Variants in CEP85 observed in about 807,000 individuals in gnomAD.
The protein encoded by CEP85 is centrosomal protein 85, also known as centrosomal protein of 85 kDa.
CEP85 carries 58 observed loss-of-function variants against 93.7 expected under a neutral mutation model. The ratio of observed to expected loss-of-function variants is 0.62; its 90% confidence interval spans 0.50 to 0.77. The LOEUF (loss-of-function observed/expected upper bound fraction) is 0.77. Ranked by LOEUF, CEP85 falls within the 30% of genes least tolerant of loss-of-function variation. The pLI is 0.00. For synonymous variants in CEP85, 314 were observed against 338.6 expected (o/e 0.93, Z 0.80); for missense variants, 868 against 922.0 (o/e 0.94, Z 0.76).
In CEP85 at chr1:26,244,098, T is replaced by TA. The variant is rs1362171498; in HGVS notation, c.56-61dup. The TA allele has an allele frequency of 4.7e-6, 7 of 1,477,414 alleles. No individual in the cohort carries two copies. The Admixed American group carries it at 1.0e-4, about 22-fold the overall frequency. 91.5% of individuals were successfully genotyped at this position (1,477,414 alleles called of 1,614,324 possible). ...ATTCTCTTAGGTTTATGTGATTTTTTAAAAAAAGATCTGATGGGGTTACAT... is the reference window on the plus strand; with the variant it reads ...ATTCTCTTAGGTTTATGTGATTTTTTAAAAAAAAGATCTGATGGGGTTACAT... On this transcript the variant is annotated intron_variant, in intron 2 of 13. Coordinates refer to ENST00000451429, the MANE Select transcript of CEP85 (RefSeq NM_001319944.2).
At chr1:26,268,115 A>G (rs941412237) in intron 7 of CEP85, among the ~76,000 whole-genome samples, 1 of 152,210 alleles carries the variant, frequency 6.6e-6, no homozygotes, top group African/African-American at 2.4e-5. Flanking sequence ...TTAGCTTCCT[A>G]CCTTCATTGC....
At chr1:26,276,495 C>G (rs1203528715) in intron 12 of CEP85, 40 bp from the exon 13 acceptor site, 2 of 1,510,256 alleles carry the variant, frequency 1.3e-6, no homozygotes, top group Admixed American at 1.7e-5. Flanking sequence ...CTTCCTCTCC[C>G]TGGGCCTGAG....
intron 1 of CEP85, among the ~76,000 whole-genome samples, chr1:26,234,952 G>A (rs201446707): frequency 6.6e-6 from 1 of 152,302 alleles, no homozygotes; most frequent in East Asian, 1.9e-4. Context: ...AGAAGCCAGG[G>A]ATGCTGTTAC....
At chr1:26,250,576 T>C (rs2089589995) in intron 3 of CEP85, among the ~76,000 whole-genome samples, 1 of 152,194 alleles carries the variant, frequency 6.6e-6, no homozygotes, top group South Asian at 2.1e-4. Flanking sequence ...ATAAACCCAA[T>C]AGATAAGTTA....
chr1:26,276,490 T>C lies in CEP85; in HGVS notation c.1903-45T>C, dbSNP rs190650655. 1.4e-5 allele frequency: 21 copies of C among 1,471,458 alleles called. No individual in the cohort carries two copies. In the Middle Eastern group the frequency reaches 5.2e-4, roughly 36 times the overall value. The allele number at this position is 1,471,458 out of a possible 1,614,324, so 91.2% of individuals were successfully genotyped here. ...CACACTCATGCACAGATACTCTTCC[T>C]CTCCCTGGGCCTGAGTTAATGTGCT... is the stretch of plus-strand genomic sequence containing the variant. On this transcript the variant is annotated intron_variant, in intron 12 of 13. Transcript: ENST00000451429.
At chr1:26,254,887 C>T (rs1482156688) in intron 3 of CEP85, 3 of 389,620 alleles carry the variant, frequency 7.7e-6, no homozygotes, top group African/African-American at 4.1e-5. Flanking sequence ...AAAAGTTTTT[C>T]AGCTTTGTCT....
At chr1:26,237,791 C>T (rs1346973468) in intron 1 of CEP85, among the ~76,000 whole-genome samples, 3 of 152,102 alleles carry the variant, frequency 2.0e-5, no homozygotes, top group African/African-American at 7.2e-5. Flanking sequence ...TTAGAAACAC[C>T]TTAGAATCCA....
intron 2 of CEP85, among the ~76,000 whole-genome samples, chr1:26,241,605 C>G (rs2089427450): frequency 6.6e-6 from 1 of 151,944 alleles, no homozygotes; most frequent in Non-Finnish European, 1.5e-5. Context: ...TGTACAGTTT[C>G]TATGACAATT....
At chr1:26,268,346 T>C in intron 7 of CEP85, 137 bp from the exon 8 acceptor site, 1 of 873,244 alleles carries the variant, frequency 1.1e-6, no homozygotes, top group South Asian at 1.5e-5. Context: ...CAGTCCCAGC[T>C]ACTCCAGGGG....
At chr1:26,234,467 T>C (rs1293899498) in intron 1 of CEP85, among the ~76,000 whole-genome samples, 157 bp downstream of exon 1, 15 of 152,184 alleles carry the variant, frequency 9.9e-5, no homozygotes, top group Non-Finnish European at 2.2e-4. Context: ...TGCCCCGGCA[T>C]ACGCCCTCTC....
At chr1:26,244,597 G>C (rs1439798298) in intron 3 of CEP85, among the ~76,000 whole-genome samples, 2 of 152,050 alleles carry the variant, frequency 1.3e-5, no homozygotes, top group Admixed American at 1.3e-4. Flanking sequence ...CATGATCATA[G>C]CTCGCTGCAG....
At chr1:26,272,616 C>CTTTT (rs1557668798) in intron 11 of CEP85, among the ~76,000 whole-genome samples, 10 of 116,850 alleles carry the variant, frequency 8.6e-5, no homozygotes, top group African/African-American at 1.9e-4. Context: ...TCTATTACAG[C>CTTTT]ATTTTTTTTT....
At chr1:26,256,403 C>T (rs567203133) in intron 4 of CEP85, among the ~76,000 whole-genome samples, 2 of 151,910 alleles carry the variant, frequency 1.3e-5, no homozygotes, top group East Asian at 2.0e-4. Flanking sequence ...TGGTGGCATG[C>T]GCCTGTAGTC....
At chr1:26,258,044 C>A in intron 5 of CEP85, 99 bp from the exon 6 acceptor site, 1 of 804,744 alleles carries the variant, frequency 1.2e-6, no homozygotes, top group South Asian at 1.6e-5. Flanking sequence ...TATCCAGAAT[C>A]TAAGATCTTG....
chr1:26,262,168 G>T (rs1010812036), intron 7 of CEP85, among the ~76,000 whole-genome samples: 2 of 152,100 alleles, frequency 1.3e-5, no homozygotes, highest in African/African-American at 4.8e-5. Context: ...TTAGCTGGGG[G>T]TGGTGGCGCA....
chr1:26,272,666 T>G (rs2089994971), intron 11 of CEP85, among the ~76,000 whole-genome samples: 1 of 147,174 alleles, frequency 6.8e-6, no homozygotes, highest in Non-Finnish European at 1.5e-5. Flanking sequence ...CTCGCTCTTG[T>G]CGCCCAGGCT....
At position 26,248,067 on chromosome 1, in the gene CEP85, A is replaced by G. The variant is rs368527172; in HGVS notation, c.208+3749A>G. 5.9e-3 allele frequency among the ~76,000 whole-genome samples: 899 copies of G among 152,324 alleles called. 8 individuals carry two copies. Among genetic ancestry groups the G allele is most frequent in the African/African-American group, 0.021 (872 of 41,576 alleles). On this transcript the variant is annotated intron_variant, in intron 3 of 13. Coordinates refer to ENST00000451429, the MANE Select transcript of CEP85 (RefSeq NM_001319944.2). ...AGATTTTGAGGTACACAGGACTTCA[A>G]AAATTGCCTCTGCTCGTTTTGATTG...
At chr1:26,269,701 G>T in intron 9 of CEP85, 87 bp downstream of exon 9, 6 of 996,702 alleles carry the variant, frequency 6.0e-6, no homozygotes, top group Admixed American at 2.5e-5. Context: ...GACTTTGGGT[G>T]ATTTGGGAAA....
rs1482996550 is a variant in CEP85 at position 26,255,365 on chromosome 1, C to T, written c.403C>T (p.Leu135Phe). The change falls in exon 4 of 14, where the codon CTC (leucine) becomes TTC (phenylalanine). Residue 135 changes from leucine (L) to phenylalanine (F), a missense_variant. Physicochemically the swap from Leu to Phe is conservative, Grantham distance 22. Transcript: ENST00000451429. The stretch of plus-strand genomic sequence containing the variant: ...TGTGGGAATGACAAGAAATGGAGAC[C>T]TCGGTGCAATGAAACATTCTCCAGG... ...ESVGMTRNGD[L>F]GAMKHSPGLS... 1 of 1,613,950 alleles carries T rather than the reference C, an allele frequency of 6.2e-7. No individual in the cohort carries two copies. Among genetic ancestry groups the T allele is most frequent in the African/African-American group, 1.3e-5 (1 of 74,888 alleles).
Sources: gnomAD v4.1 joint callset for allele counts (sites outside exome capture counted in the v4.1 genomes callset) on GRCh38, gnomAD v4.1.1 for gene constraint, MANE v1.5 for transcripts, NCBI Gene and HGNC (gene_info 2026-07-23, HGNC 2026-07-21) for gene names.